The following MED27 variants were observed in gnomAD, a reference collection of about 807,000 sequenced individuals.
The protein encoded by MED27 is mediator of RNA polymerase II transcription subunit 27.
A neutral mutation model predicts 38.2 loss-of-function variants in MED27; 30 were observed. The observed-to-expected ratio is 0.79, with a 90% confidence interval of 0.59 to 1.07. The LOEUF is 1.07. Among genes scored for constraint, MED27 ranks in the 50% least tolerant of loss-of-function variants. The pLI, the probability that MED27 is intolerant of heterozygous loss-of-function variation, is 0.00. For synonymous variants in MED27, 122 were observed against 153.5 expected (o/e 0.79, Z 1.52); for missense variants, 289 against 397.5 (o/e 0.73, Z 2.32).
chr9:131,880,433 A>G (rs1839016233), intron 6 of MED27, among the ~76,000 whole-genome samples: 1 of 152,238 alleles, frequency 6.6e-6, no homozygotes, highest in South Asian at 2.1e-4. Context: ...ATCAGAAGGC[A>G]CTACCACCTC....
chr9:132,007,772 G>A (rs1182516398), intron 3 of MED27, among the ~76,000 whole-genome samples: 1 of 151,994 alleles, frequency 6.6e-6, no homozygotes, highest in Non-Finnish European at 1.5e-5. Flanking sequence ...ACAAGGCCAG[G>A]AGTAGGTGAG....
chr9:131,930,965 G>A (rs992351858), intron 4 of MED27, among the ~76,000 whole-genome samples: 1 of 152,124 alleles, frequency 6.6e-6, no homozygotes. Flanking sequence ...AGGTTATAAG[G>A]CTGGGCACGG....
chr9:132,046,170 T>C (rs960138383), intron 2 of MED27, among the ~76,000 whole-genome samples: 3 of 152,148 alleles, frequency 2.0e-5, no homozygotes, highest in African/African-American at 4.8e-5. Flanking sequence ...AAAAGAGATA[T>C]GTTAAGGTAA....
At chr9:131,953,978 C>T (rs540275584) in intron 3 of MED27, among the ~76,000 whole-genome samples, 18 of 152,106 alleles carry the variant, frequency 1.2e-4, no homozygotes, top group African/African-American at 3.6e-4. Context: ...CCACCACACC[C>T]GGTTAATTTT....
At position 131,982,840 on chromosome 9, in the gene MED27, C is replaced by A. The variant is rs542880288; in HGVS notation, c.479+31497G>T. Among the ~76,000 whole-genome samples the A allele has an allele frequency of 1.3e-5, 2 of 152,200 alleles. No individual in the cohort carries two copies. On this transcript the variant is annotated intron_variant, in intron 3 of 7. Coordinates refer to ENST00000292035, the MANE Select transcript of MED27 (RefSeq NM_004269.4). The surrounding 1 kb of genome is among the most constrained non-coding windows in gnomAD (Gnocchi z 4.3). ...GCCATATGTAATATGGAAATGAATG[C>A]GCATGGCTGTGCTCAATAAAACTCT...
chr9:131,880,784 T>A (rs1475889290), intron 6 of MED27, among the ~76,000 whole-genome samples: 1 of 151,940 alleles, frequency 6.6e-6, no homozygotes, highest in Non-Finnish European at 1.5e-5. Flanking sequence ...TCAAGGGAGG[T>A]AGGATAAAAA....
intron 6 of MED27, among the ~76,000 whole-genome samples, chr9:131,877,751 G>T (rs1838962063): frequency 6.6e-6 from 1 of 152,202 alleles, no homozygotes; most frequent in Non-Finnish European, 1.5e-5. Context: ...TTCCCTAGGA[G>T]TTGGAATGAG....
At chr9:132,043,008 G>T (rs1373995320) in intron 2 of MED27, among the ~76,000 whole-genome samples, 1 of 152,102 alleles carries the variant, frequency 6.6e-6, no homozygotes, top group African/African-American at 2.4e-5. Context: ...AAGTTTTCTA[G>T]TAACATCTGG....
chr9:132,021,718 T>C (rs1832720078), intron 2 of MED27, among the ~76,000 whole-genome samples: 1 of 152,200 alleles, frequency 6.6e-6, no homozygotes. Flanking sequence ...CCCAATGTGA[T>C]GGTATTTGAA....
At chr9:132,039,237 T>C (rs968563243) in intron 2 of MED27, among the ~76,000 whole-genome samples, 8 of 152,296 alleles carry the variant, frequency 5.3e-5, no homozygotes, top group Admixed American at 5.2e-4. Context: ...ATCAAACCTG[T>C]CACTTACCAC....
intron 4 of MED27, among the ~76,000 whole-genome samples, chr9:131,931,997 A>G (rs1042052951): frequency 3.3e-5 from 5 of 152,204 alleles, no homozygotes; most frequent in Non-Finnish European, 1.5e-5. Flanking sequence ...ACAAATGGAC[A>G]TAATAGATAT....
rs118007814 is a variant in MED27, at chr9:131,972,784, C to T, written c.480-33310G>A. ...AACCTACAGAGTTTGCCCCATCAGT[C>T]CTGTTCAGAAAACCAACAACAGGGA... On this transcript the variant is annotated intron_variant, in intron 3 of 7. Transcript: ENST00000292035. Among the ~76,000 whole-genome samples, 700 of 152,250 alleles carry T rather than the reference C, an allele frequency of 4.6e-3. 2 individuals carry two copies. The highest frequency in any genetic ancestry group is 6.6e-3 in the Non-Finnish European group (447 of 68,016).
chr9:131,877,925 G>A (rs972270745), intron 6 of MED27, among the ~76,000 whole-genome samples: 7 of 152,126 alleles, frequency 4.6e-5, no homozygotes, highest in African/African-American at 1.7e-4. Context: ...GGTGGCCACC[G>A]AGTAAACAGA....
chr9:131,937,093 T>C (rs1272311992), intron 4 of MED27, among the ~76,000 whole-genome samples: 1 of 151,998 alleles, frequency 6.6e-6, no homozygotes, highest in African/African-American at 2.4e-5. Context: ...GTGGGGGAGG[T>C]GGCATCTGTT....
At chr9:131,878,557 CCT>C (rs1303159704) in intron 6 of MED27, among the ~76,000 whole-genome samples, 1 of 152,094 alleles carries the variant, frequency 6.6e-6, no homozygotes, top group Non-Finnish European at 1.5e-5. Context: ...TCCCTCTTGG[CCT>C]CTCTCTTGAT....
At chr9:132,037,775 C>T (rs868261275) in intron 2 of MED27, among the ~76,000 whole-genome samples, 15 of 152,104 alleles carry the variant, frequency 9.9e-5, no homozygotes, top group African/African-American at 2.9e-4. Context: ...AGGCTTTCAC[C>T]GGGCAGCTGT....
chr9:132,051,867 C>T lies in MED27; in HGVS notation c.348+25575G>A, dbSNP rs563343595. ...TTAAAACCAGAAGAATCCCGATGGACGAGACTGAGGTGCCAAAACAGGTCC... is the reference window on the plus strand; with the variant it reads ...TTAAAACCAGAAGAATCCCGATGGATGAGACTGAGGTGCCAAAACAGGTCC... On this transcript the variant is annotated intron_variant, in intron 2 of 7. Transcript: ENST00000292035. This position sits in a 1 kb window ranked among gnomAD's most constrained non-coding sequence, Gnocchi z 4.2. 2.3e-4 allele frequency among the ~76,000 whole-genome samples: 35 copies of T among 152,232 alleles called. No homozygotes were observed. The Middle Eastern group carries it at 0.017, about 74-fold the overall frequency.
Position 131,862,969 on chromosome 9 carries a change from G to T in MED27, c.801+94C>A. The T allele has an allele frequency of 9.2e-7, 1 of 1,087,124 alleles. No individual in the cohort carries two copies. The highest frequency in any genetic ancestry group is 1.4e-6 in the Non-Finnish European group (1 of 727,782). 67.3% of individuals were successfully genotyped at this position (1,087,124 alleles called of 1,614,324 possible). On this transcript the variant is annotated intron_variant, in intron 7 of 7. Coordinates refer to ENST00000292035, the MANE Select transcript of MED27 (RefSeq NM_004269.4). The surrounding 1 kb of genome is among the most constrained non-coding windows in gnomAD (Gnocchi z 4.6). ...CATCTCCCACTGGGAGGCCCTCAAA[G>T]TCTGAAGATGCAACGGCTGCCCTTC...
Position 131,872,058 on chromosome 9 carries a change from G to A in MED27, c.724-8918C>T, listed in dbSNP as rs1242872878. Among the ~76,000 whole-genome samples the A allele has an allele frequency of 6.6e-6, 1 of 152,232 alleles. No individual in the cohort carries two copies. Among genetic ancestry groups the A allele is most frequent in the East Asian group, 1.9e-4 (1 of 5,194 alleles). ...CTCCTGGGCCGGAGTGGAGGCTGGCGACGCAGCATGCAGGTGAGGAACAGA... is the reference window on the plus strand; with the variant it reads ...CTCCTGGGCCGGAGTGGAGGCTGGCAACGCAGCATGCAGGTGAGGAACAGA... On this transcript the variant is annotated intron_variant, in intron 6 of 7. Transcript: ENST00000292035. The surrounding 1 kb of genome is among the most constrained non-coding windows in gnomAD (Gnocchi z 5.6).
Sources: gnomAD v4.1 joint callset for allele counts (sites outside exome capture counted in the v4.1 genomes callset) on GRCh38, gnomAD v4.1.1 for gene constraint, Gnocchi (gnomAD v3.1) non-coding constraint, MANE v1.5 for transcripts, NCBI Gene and HGNC (gene_info 2026-07-23, HGNC 2026-07-21) for gene names.